The following PASK variants were observed in gnomAD, a reference collection of about 807,000 sequenced individuals.
The protein encoded by PASK is PAS domain-containing serine/threonine-protein kinase.
Under a neutral mutation model 121.0 loss-of-function variants are expected in PASK, and 110 were observed. That is an observed-to-expected ratio of 0.91 (90% CI 0.78 to 1.06). The LOEUF is 1.06. PASK is among the 50% of genes least tolerant of loss of function. PASK has a pLI of 0.00. For synonymous variants in PASK, 686 were observed against 717.8 expected, an observed-to-expected ratio of 0.96 and a Z score of 0.71; for missense variants, 1,643 against 1,702.3, an observed-to-expected ratio of 0.97 and a Z score of 0.61.
In PASK at chr2:241,145,712, TA is replaced by T. The variant is rs35188495; in HGVS notation, c.-42-2639del. On this transcript the variant is annotated intron_variant, in intron 1 of 17. Coordinates refer to ENST00000234040, the MANE Select transcript of PASK (RefSeq NM_015148.4). ...CAATGTGGTGAAACCCCATCTCTAC[TA>T]AAAAAAAAAAAATTAGCTGAGCATG... is the stretch of plus-strand genomic sequence containing the variant. The T allele has an allele frequency of 1.7e-3, 253 of 144,796 alleles. 5 individuals are homozygous for T. The highest frequency in any genetic ancestry group is 3.9e-3 in the African/African-American group (152 of 39,012). The allele number at this position is 144,796 out of a possible 1,614,324, so 9.0% of individuals were successfully genotyped here.
chr2:241,139,899 C>G lies in PASK; in HGVS notation c.586G>C (p.Val196Leu). 2.2e-5 allele frequency: 36 copies of G among 1,614,210 alleles called. No homozygotes were observed. Among genetic ancestry groups the G allele is most frequent in the Non-Finnish European group, 3.1e-5 (36 of 1,180,024 alleles). ...CATCCACTCACCACCGTGCCAAACACCACCGCAGCGTGGCCGTCGGCCTCC... is the reference window on the plus strand; with the variant it reads ...CATCCACTCACCACCGTGCCAAACAGCACCGCAGCGTGGCCGTCGGCCTCC... ...HMEADGHAAV[V>L]FGTVVDIISR... The change falls in exon 4 of 18, where the codon GTG becomes CTG. Residue 196 changes from valine to leucine, a missense_variant. Around this residue, in one of 3 missense-constraint regions of PASK, gnomAD observed 1,176 missense variants for 1,162.2 expected, o/e 1.01. Coordinates refer to ENST00000234040, the MANE Select transcript of PASK (RefSeq NM_015148.4).
Position 241,138,678 on chromosome 2 carries a change from C to G in PASK, c.717G>C (p.Ser239=), listed in dbSNP as rs774944055. 1 of 1,614,052 alleles carries G rather than the reference C, an allele frequency of 6.2e-7. No homozygotes were observed. Among genetic ancestry groups the G allele is most frequent in the Non-Finnish European group, 8.5e-7 (1 of 1,180,044 alleles). Reference sequence around the variant, plus strand: ...CATCGCTCTGGAAAGCGACCCAGGTCGAGACCCTCTCCACGGGCTCCAGGA... The same window carrying G: ...CATCGCTCTGGAAAGCGACCCAGGTGGAGACCCTCTCCACGGGCTCCAGGA... ...VVVLEPVERV[S]TWVAFQSDGT... Residue 239 remains serine, a synonymous_variant, in exon 5 of 18, where the codon TCG becomes TCC. Transcript: ENST00000234040.
In PASK at chr2:241,137,257, T is replaced by C; in HGVS notation, c.884A>G (p.Lys295Arg). 6.2e-7 allele frequency: 1 copy of C among 1,613,384 alleles called. No homozygotes were observed. Among genetic ancestry groups the C allele is most frequent in the Non-Finnish European group, 8.5e-7 (1 of 1,179,338 alleles). ...PSGQHIPKNL[K>R]IQRSVGRARD... ...GGCTCTTCCAACAGACCTCTGAATC[T>C]TGAGATTCTGAAAGAAAGGCTTGTC... The change falls in exon 7 of 18, where the codon AAG becomes AGG. Residue 295 changes from lysine to arginine, a missense_variant. This residue lies in a region of PASK where 1,176 missense variants were observed against 1,162.2 expected (regional missense o/e 1.01). Coordinates refer to ENST00000234040, the MANE Select transcript of PASK (RefSeq NM_015148.4).
In PASK at chr2:241,126,848, A is replaced by C; in HGVS notation, c.2067T>G (p.Ala689=). The part of the protein sequence containing the change: ...HAELVPTECQ[A]VTAPVSSCDL... Reference sequence around the variant, plus strand: ...CGCAGGACGACACAGGAGCGGTGACAGCCTGGCACTCTGTCGGAACGAGTT... The same window carrying C: ...CGCAGGACGACACAGGAGCGGTGACCGCCTGGCACTCTGTCGGAACGAGTT... Residue 689 remains alanine (A), a synonymous_variant, in exon 10 of 18, where the codon GCT becomes GCG. Coordinates refer to ENST00000234040, the MANE Select transcript of PASK (RefSeq NM_015148.4). 6.2e-7 allele frequency: 1 copy of C among 1,612,538 alleles called. No homozygotes were observed. Among genetic ancestry groups the C allele is most frequent in the Non-Finnish European group, 8.5e-7 (1 of 1,178,784 alleles).
chr2:241,119,490 A>G (rs2065513705), intron 12 of PASK, among the ~76,000 whole-genome samples: 1 of 137,976 alleles, frequency 7.2e-6, no homozygotes, highest in Admixed American at 7.3e-5. Flanking sequence ...TTTTTTGGAG[A>G]CAAGAGTCTT....
chr2:241,108,349 T>C lies in PASK; in HGVS notation c.3534-49A>G, dbSNP rs373290730. The stretch of plus-strand genomic sequence containing the variant: ...GACGCCACGGCACTCAGCGCAGGCT[T>C]GCCAAGCCCGCCCATGGGAAGCACC... On this transcript the variant is annotated intron_variant, in intron 15 of 17. Transcript: ENST00000234040. The surrounding 1 kb of genome is among the most constrained non-coding windows in gnomAD (Gnocchi z 5.2). The C allele has an allele frequency of 1.6e-5, 26 of 1,606,036 alleles. No individual in the cohort carries two copies. Among genetic ancestry groups the C allele is most frequent in the Non-Finnish European group, 2.2e-5 (26 of 1,175,960 alleles).
Position 241,142,817 on chromosome 2 carries a change from C to G in PASK, c.196+20G>C. The G allele has an allele frequency of 6.4e-7, 1 of 1,562,272 alleles. No homozygotes were observed. Among genetic ancestry groups the G allele is most frequent in the Non-Finnish European group, 8.8e-7 (1 of 1,134,174 alleles). ...TTGTATTTCCACGCGCTAAGGCCTG[C>G]AGTGGTCGAAGGTCATTACCAGAGA... On this transcript the variant is annotated intron_variant, in intron 2 of 17. Coordinates refer to ENST00000234040, the MANE Select transcript of PASK (RefSeq NM_015148.4).
chr2:241,140,377 T>G (rs1010566076), intron 3 of PASK, 144 bp downstream of exon 3: 1 of 728,466 alleles, frequency 1.4e-6, no homozygotes, highest in East Asian at 2.7e-5. Flanking sequence ...AGGCTGGTCT[T>G]GAACTCCTGG....
intron 17 of PASK, among the ~76,000 whole-genome samples, chr2:241,107,031 C>T (rs530179525): frequency 2.0e-5 from 3 of 152,210 alleles, no homozygotes; most frequent in Non-Finnish European, 4.4e-5. Flanking sequence ...TCCTCCCCTT[C>T]GGCCCAGTCA....
rs16843370 is a variant in PASK at position 241,139,679 on chromosome 2, C to T, written c.600+206G>A. 881 of 707,232 alleles carry T rather than the reference C, an allele frequency of 1.2e-3. 6 individuals carry two copies. Among genetic ancestry groups the T allele is most frequent in the African/African-American group, 0.011 (622 of 57,150 alleles). The allele number at this position is 707,232 out of a possible 1,614,324, so 43.8% of individuals were successfully genotyped here. A position where few individuals can be genotyped will look rare whatever the true frequency, so the allele number is the denominator to read the frequency against. On this transcript the variant is annotated intron_variant, in intron 4 of 17. Transcript: ENST00000234040. ...GCCACAGCCACAGTGTCCATTCCTG[C>T]GATGATTCGTTCTTAAAGGGCCCCC...
chr2:241,123,225 G>GAGTGC (rs1440735964), intron 11 of PASK, among the ~76,000 whole-genome samples: 2 of 150,294 alleles, frequency 1.3e-5, no homozygotes, highest in African/African-American at 4.9e-5. Flanking sequence ...GCCCAGGCTG[G>GAGTGC]AGTGCAGTGG....
chr2:241,149,409 C>A lies in PASK; in HGVS notation c.-43+5G>T, dbSNP rs1385755679. ...GGCCCGCTCTCCCGAGCGCAGGTATCTCACCTGGATCAGGCGAGGGTCACG... is the reference window on the plus strand; with the variant it reads ...GGCCCGCTCTCCCGAGCGCAGGTATATCACCTGGATCAGGCGAGGGTCACG... On this transcript the variant is annotated splice_donor_5th_base_variant and intron_variant, in intron 1 of 17. Coordinates refer to ENST00000234040, the MANE Select transcript of PASK (RefSeq NM_015148.4). 2.1e-6 allele frequency: 1 copy of A among 479,350 alleles called. No individual in the cohort carries two copies. The highest frequency in any genetic ancestry group is 3.7e-6 in the Non-Finnish European group (1 of 268,480). 29.7% of individuals were successfully genotyped at this position (479,350 alleles called of 1,614,324 possible). A position where few individuals can be genotyped will look rare whatever the true frequency, so the allele number is the denominator to read the frequency against.
In PASK at chr2:241,140,657, G is replaced by A. The variant is rs749231115; in HGVS notation, c.293C>T (p.Pro98Leu). Residue 98 changes from proline to leucine, a missense_variant, in exon 3 of 18, where the codon CCG becomes CTG. Pro to Leu is a moderately conservative substitution (Grantham distance 98, BLOSUM62 -3). This residue lies in a region of PASK where 1,176 missense variants were observed against 1,162.2 expected (regional missense o/e 1.01). Coordinates refer to ENST00000234040, the MANE Select transcript of PASK (RefSeq NM_015148.4). Reference protein sequence around the residue: ...HCPAAPEHTDPSEPRGSVSCC... With the variant: ...HCPAAPEHTDLSEPRGSVSCC... ...GGACACACTGCCCCGCGGTTCGGAC[G>A]GGTCCGTGTGCTCAGGGGCAGCAGG... is the stretch of plus-strand genomic sequence containing the variant. 1.5e-5 allele frequency: 24 copies of A among 1,613,896 alleles called. No individual in the cohort carries two copies. Among genetic ancestry groups the A allele is most frequent in the African/African-American group, 2.7e-5 (2 of 74,906 alleles).
chr2:241,144,091 T>G (rs561007757), intron 1 of PASK, among the ~76,000 whole-genome samples: 2 of 152,102 alleles, frequency 1.3e-5, no homozygotes, highest in African/African-American at 2.4e-5. Flanking sequence ...GGTGTGTGTG[T>G]GTGTGGGTGT....
chr2:241,137,034 A>C lies in PASK; in HGVS notation c.1107T>G (p.Phe369Leu), dbSNP rs1337776810. ...CCAGGAGCTCCGTCTTTCCGTAACC[A>C]AACAGTGTCAGCGCGAAGCTGTGGT... is the stretch of plus-strand genomic sequence containing the variant. ...GINHSFALTLFGYGKTELLGK... is the reference protein window; with the variant it reads ...GINHSFALTLLGYGKTELLGK... The change falls in exon 7 of 18, where the codon TTT becomes TTG. Residue 369 changes from phenylalanine (F) to leucine (L), a missense_variant. Coordinates refer to ENST00000234040, the MANE Select transcript of PASK (RefSeq NM_015148.4). 2 of 1,613,520 alleles carry C rather than the reference A, an allele frequency of 1.2e-6. No individual in the cohort carries two copies. Among genetic ancestry groups the C allele is most frequent in the East Asian group, 4.5e-5 (2 of 44,874 alleles).
chr2:241,120,729 G>A (rs1300797621), intron 12 of PASK, among the ~76,000 whole-genome samples: 1 of 152,188 alleles, frequency 6.6e-6, no homozygotes, highest in Non-Finnish European at 1.5e-5. Context: ...TGATGGGAAT[G>A]TAAAAACAGT....
At chr2:241,116,593 GAC>G (rs2065380708) in intron 12 of PASK, among the ~76,000 whole-genome samples, 1 of 152,232 alleles carries the variant, frequency 6.6e-6, no homozygotes, top group Non-Finnish European at 1.5e-5. Context: ...TTTCAACATT[GAC>G]TCTGAGATTA....
At chr2:241,106,869 CT>C in intron 17 of PASK, 146 bp from the exon 18 acceptor site, 1 of 810,252 alleles carries the variant, frequency 1.2e-6, no homozygotes, top group Admixed American at 2.0e-5. Context: ...AGTACAGATC[CT>C]GCCAAGGTGG....
At chr2:241,130,424 C>T (rs1405042400) in intron 9 of PASK, among the ~76,000 whole-genome samples, 1 of 152,136 alleles carries the variant, frequency 6.6e-6, no homozygotes, top group Non-Finnish European at 1.5e-5. Context: ...CTGAGGATAG[C>T]AACGGGCCAC....
Sources: gnomAD v4.1 joint callset for allele counts (sites outside exome capture counted in the v4.1 genomes callset) on GRCh38, gnomAD v4.1.1 for gene constraint, gnomAD v4.1.1 regional missense constraint, Gnocchi (gnomAD v3.1) non-coding constraint, MANE v1.5 for transcripts, NCBI Gene and HGNC (gene_info 2026-07-23, HGNC 2026-07-21) for gene names.